Variants in RGS6 observed in about 807,000 individuals in gnomAD.
RGS6 encodes regulator of G protein signaling 6.
A neutral mutation model predicts 78.5 loss-of-function variants in RGS6; 30 were observed. The observed-to-expected ratio is 0.38, with a 90% CI of 0.29 to 0.52. The LOEUF (loss-of-function observed/expected upper bound fraction) is 0.52. Among genes scored for constraint, RGS6 ranks in the 20% least tolerant of loss-of-function variants. The probability of loss-of-function intolerance (pLI) is 0.85; values close to 1 mark genes in which losing one functional copy is unlikely to be tolerated. For synonymous variants in RGS6, 206 were observed against 206.0 expected, an observed-to-expected ratio of 1.00 and a Z score of 0.00; for missense variants, 495 against 609.7, an observed-to-expected ratio of 0.81 and a Z score of 1.98.
At chr14:72,493,898 G>A (rs1427878955) in intron 12 of RGS6, among the ~76,000 whole-genome samples, 2 of 152,178 alleles carry the variant, frequency 1.3e-5, no homozygotes, top group East Asian at 3.8e-4. Context: ...GGATTCTCAT[G>A]CATCCTTTAT....
Position 72,213,709 on chromosome 14 carries a change from A to G in RGS6, c.85-138386A>G, listed in dbSNP as rs561942514. Among the ~76,000 whole-genome samples, 3 of 152,232 alleles carry G rather than the reference A, an allele frequency of 2.0e-5. No homozygotes were observed. The South Asian group carries it at 6.2e-4, about 32-fold the overall frequency. On this transcript the variant is annotated intron_variant, in intron 2 of 17. Coordinates refer to ENST00000553525, the MANE Select transcript of RGS6 (RefSeq NM_001204424.2). ...CCCCCATGCCTAGCTCCTTCTAGCCATGTTTATTCCTCTTCATTAAAAGAG... is the reference window on the plus strand; with the variant it reads ...CCCCCATGCCTAGCTCCTTCTAGCCGTGTTTATTCCTCTTCATTAAAAGAG...
intron 2 of RGS6, among the ~76,000 whole-genome samples, chr14:72,344,990 G>A (rs1304916878): frequency 6.6e-6 from 1 of 152,156 alleles, no homozygotes; most frequent in Non-Finnish European, 1.5e-5. Context: ...CTGCTTCCAT[G>A]TGGTATAGAG....
chr14:72,447,843 A>C (rs2095405643), intron 3 of RGS6, among the ~76,000 whole-genome samples: 1 of 152,156 alleles, frequency 6.6e-6, no homozygotes, highest in Admixed American at 6.5e-5. Context: ...AGCTGGGATT[A>C]CAAGTGCCCG....
chr14:72,164,036 G>A (rs1322961920), intron 2 of RGS6, among the ~76,000 whole-genome samples: 2 of 152,054 alleles, frequency 1.3e-5, no homozygotes, highest in South Asian at 2.1e-4. Context: ...GAAAAGGTTC[G>A]ACTTTTTGGT....
intron 2 of RGS6, among the ~76,000 whole-genome samples, chr14:71,977,088 C>T (rs1313751723): frequency 8.3e-6 from 1 of 120,084 alleles, no homozygotes. Flanking sequence ...TCATGTCCTT[C>T]GTCCACTTTT....
intron 2 of RGS6, among the ~76,000 whole-genome samples, chr14:72,259,646 G>A (rs1003699742): frequency 1.3e-5 from 2 of 152,148 alleles, no homozygotes; most frequent in Non-Finnish European, 1.5e-5. Flanking sequence ...GGTGGCTCAC[G>A]CCTGTAATCC....
At chr14:72,281,144 C>CTTTTTTTT (rs11381940) in intron 2 of RGS6, among the ~76,000 whole-genome samples, 1 of 112,868 alleles carries the variant, frequency 8.9e-6, no homozygotes, top group African/African-American at 3.5e-5. Flanking sequence ...AAACAAGATT[C>CTTTTTTTT]TTTTTTTTTT....
intron 3 of RGS6, among the ~76,000 whole-genome samples, chr14:72,398,177 G>C (rs919968097): frequency 6.6e-6 from 1 of 152,108 alleles, no homozygotes; most frequent in African/African-American, 2.4e-5. Context: ...AATCCATCTG[G>C]TCCTGGACTT....
chr14:72,409,793 T>C (rs2093259466), intron 3 of RGS6, among the ~76,000 whole-genome samples: 1 of 152,108 alleles, frequency 6.6e-6, no homozygotes, highest in Admixed American at 6.6e-5. Context: ...AGTTCCCACC[T>C]GTGAGTGAGA....
the RGS6 span, among the ~76,000 whole-genome samples, chr14:72,624,299 T>A: frequency 1.0e-3 from 157 of 151,896 alleles, 2 homozygotes; most frequent in Non-Finnish European, 2.1e-3. Flanking sequence ...CTACAGACTT[T>A]ATTTTAATTT....
intron 2 of RGS6, among the ~76,000 whole-genome samples, chr14:72,254,616 T>C (rs2056654297): frequency 6.6e-6 from 1 of 152,184 alleles, no homozygotes; most frequent in South Asian, 2.1e-4. Context: ...GCAGCTACTC[T>C]GATCACCACT....
chr14:72,166,880 T>C (rs1210993117), intron 2 of RGS6, among the ~76,000 whole-genome samples: 1 of 152,208 alleles, frequency 6.6e-6, no homozygotes, highest in Non-Finnish European at 1.5e-5. Flanking sequence ...TCATGGCAAT[T>C]TTTGAGGACT....
rs1253117810 is a variant in RGS6 at position 72,185,459 on chromosome 14, T to TGA, written c.85-166632_85-166631dup. On this transcript the variant is annotated intron_variant, in intron 2 of 17. Transcript: ENST00000553525. Reference sequence around the variant, plus strand: ...AAATACCCTCATAGAAAACTCTTGATGAGAGTAATGGTTATATCCAAGTCC... The same window carrying TGA: ...AAATACCCTCATAGAAAACTCTTGATGAGAGAGTAATGGTTATATCCAAGTCC... Among the ~76,000 whole-genome samples, 124 of 152,328 alleles carry TGA rather than the reference T, an allele frequency of 8.1e-4. 1 individual carries two copies. Among genetic ancestry groups the TGA allele is most frequent in the Non-Finnish European group, 1.6e-4 (11 of 68,034 alleles).
intron 2 of RGS6, among the ~76,000 whole-genome samples, chr14:72,037,207 TG>T (rs2091837349): frequency 6.6e-6 from 1 of 152,144 alleles, no homozygotes. Context: ...AGGACATAGA[TG>T]GGGCCAAATA....
chr14:72,300,728 C>T (rs141513298), intron 2 of RGS6, among the ~76,000 whole-genome samples: 140 of 152,240 alleles, frequency 9.2e-4, no homozygotes, highest in African/African-American at 3.0e-3. Flanking sequence ...TGCAGGCATG[C>T]GGAATGTCCA....
intron 2 of RGS6, among the ~76,000 whole-genome samples, chr14:72,048,082 A>G (rs1567094461): frequency 1.3e-5 from 2 of 151,912 alleles, no homozygotes. Context: ...GAAATTTCCC[A>G]GGCAAAGTGA....
rs747917839 is a variant in RGS6, at chr14:72,470,026, A to G, written c.479A>G (p.Gln160Arg). The change falls in exon 8 of 18, where the codon CAG becomes CGG. Residue 160 changes from glutamine (Q) to arginine (R), a missense_variant. Gln to Arg is a conservative substitution (Grantham distance 43). Coordinates refer to ENST00000553525, the MANE Select transcript of RGS6 (RefSeq NM_001204424.2). The part of the protein sequence containing the change: ...DYEAENLARL[Q>R]RAFARKWEFI... ...CATTAGGAAAACTTAGCAAGACTCC[A>G]GAGGGCCTTTGCGAGGAAGTGGGAA... 1 of 1,613,350 alleles carries G rather than the reference A, an allele frequency of 6.2e-7. No individual in the cohort carries two copies. Among genetic ancestry groups the G allele is most frequent in the South Asian group, 1.1e-5 (1 of 91,044 alleles).
In RGS6 at chr14:72,115,951, G is replaced by A. The variant is rs189255543; in HGVS notation, c.84+151076G>A. On this transcript the variant is annotated intron_variant, in intron 2 of 17. Transcript: ENST00000553525. Reference sequence around the variant, plus strand: ...CCAGTTTGTCCAGCTAGGGCACTAAGTTCTTAGATGCAGACATCAGTTCTG... The same window carrying A: ...CCAGTTTGTCCAGCTAGGGCACTAAATTCTTAGATGCAGACATCAGTTCTG... 1.5e-3 allele frequency among the ~76,000 whole-genome samples: 231 copies of A among 152,276 alleles called. 1 individual carries two copies. The highest frequency in any genetic ancestry group is 5.5e-3 in the African/African-American group (227 of 41,544).
intron 3 of RGS6, among the ~76,000 whole-genome samples, chr14:72,451,470 C>A (rs2095491246): frequency 6.6e-6 from 1 of 151,966 alleles, no homozygotes; most frequent in Non-Finnish European, 1.5e-5. Flanking sequence ...GAAACCCAGA[C>A]AACGGTGCTG....
Sources: allele counts gnomAD v4.1 joint callset (sites outside exome capture counted in the v4.1 genomes callset), GRCh38; gene constraint gnomAD v4.1.1; transcripts MANE v1.5; gene names NCBI Gene and HGNC (gene_info 2026-07-23, HGNC 2026-07-21).